Variants in ZBTB40 observed in about 807,000 individuals in gnomAD.
ZBTB40 encodes zinc finger and BTB domain containing 40.
In ZBTB40, 60 loss-of-function variants were observed where a neutral mutation model predicts 117.5. The ratio of observed to expected loss-of-function variants is 0.51; its 90% CI spans 0.41 to 0.63. The LOEUF (loss-of-function observed/expected upper bound fraction) is 0.63, where lower values mean the gene tolerates loss of function less well. Ranked by LOEUF, ZBTB40 falls within the 30% of genes least tolerant of loss-of-function variation. The probability of loss-of-function intolerance (pLI) is 0.00; values close to 1 mark genes in which losing one functional copy is unlikely to be tolerated. For missense variants in ZBTB40, 1,287 were observed against 1,498.5 expected (o/e 0.86, Z 2.33); for synonymous variants, 525 against 577.1 (o/e 0.91, Z 1.29).
intron 3 of ZBTB40, among the ~76,000 whole-genome samples, chr1:22,493,062 T>G (rs916658048): frequency 1.2e-4 from 19 of 152,146 alleles, no homozygotes; most frequent in Admixed American, 1.0e-3. Context: ...TCTTATGCAT[T>G]TTTTTTAACA....
chr1:22,492,439 A>G (rs1283226052), intron 3 of ZBTB40, among the ~76,000 whole-genome samples: 2 of 152,064 alleles, frequency 1.3e-5, no homozygotes, highest in Non-Finnish European at 2.9e-5. Flanking sequence ...TCCACAACCA[A>G]TTTAGAATTC....
At chr1:22,501,450 G>T (rs764196677) in intron 3 of ZBTB40, 42 bp from the exon 4 acceptor site, 13 of 1,610,182 alleles carry the variant, frequency 8.1e-6, no homozygotes, top group South Asian at 5.5e-5. Flanking sequence ...GATGGTTCTT[G>T]TGGTTCGCTA....
In ZBTB40 at chr1:22,517,423, G is replaced by T; in HGVS notation, c.2792G>T (p.Arg931Leu). Residue 931 changes from arginine (R) to leucine (L), a missense_variant, in exon 13 of 18, where the codon CGG becomes CTG. Arg to Leu is a moderately radical substitution (Grantham distance 102, BLOSUM62 -2). Transcript: ENST00000375647. ...YVCRDCGKGFRQANGLSIHLH... is the reference protein window; with the variant it reads ...YVCRDCGKGFLQANGLSIHLH... ...TGCAGAGACTGTGGCAAGGGCTTCC[G>T]GCAAGCCAATGGCCTCTCCATCCAT... The T allele has an allele frequency of 1.9e-6, 3 of 1,614,098 alleles. No individual in the cohort carries two copies. Among genetic ancestry groups the T allele is most frequent in the Non-Finnish European group, 2.5e-6 (3 of 1,180,024 alleles).
intron 1 of ZBTB40, among the ~76,000 whole-genome samples, chr1:22,489,069 G>T (rs1485006312): frequency 6.6e-6 from 1 of 152,238 alleles, no homozygotes; most frequent in East Asian, 1.9e-4. Flanking sequence ...AGGTGGGAAA[G>T]TGGCAGGAGA....
At chr1:22,488,239 G>T (rs565113524) in intron 1 of ZBTB40, among the ~76,000 whole-genome samples, 3 of 152,270 alleles carry the variant, frequency 2.0e-5, no homozygotes, top group African/African-American at 7.2e-5. Flanking sequence ...TTTAAGCACT[G>T]GGATACAGCA....
chr1:22,519,767 G>C, intron 13 of ZBTB40: 1 of 438,102 alleles, frequency 2.3e-6, no homozygotes, highest in Non-Finnish European at 4.3e-6. Context: ...AAGTGATAAA[G>C]TGTAATTTAA....
At position 22,489,956 on chromosome 1, in the gene ZBTB40, TC is replaced by T; in HGVS notation, c.12del (p.Asn5ThrfsTer62). 1 of 1,611,256 alleles carries T rather than the reference TC, an allele frequency of 6.2e-7. No individual in the cohort carries two copies. Among genetic ancestry groups the T allele is most frequent in the Non-Finnish European group, 8.5e-7 (1 of 1,179,984 alleles). On this transcript the variant is annotated frameshift_variant, in exon 2 of 18. Coordinates refer to ENST00000375647, the MANE Select transcript of ZBTB40 (RefSeq NM_014870.4). LOFTEE classifies it high-confidence loss of function. ME[L>X]PNYSRQLLQQ... Reference sequence around the variant, plus strand: ...TGGGGCAGAGTTGACGCAATGGAGCTCCCCAACTACAGCCGGCAGCTGCTGC... The same window carrying T: ...TGGGGCAGAGTTGACGCAATGGAGCTCCCAACTACAGCCGGCAGCTGCTGC...
intron 6 of ZBTB40, among the ~76,000 whole-genome samples, chr1:22,507,157 C>T (rs1012209179): frequency 3.9e-5 from 6 of 152,232 alleles, no homozygotes. Context: ...GCCGCACCCT[C>T]ACTGCACCAT....
At chr1:22,454,469 A>G (rs749653858) in intron 1 of ZBTB40, among the ~76,000 whole-genome samples, 17 of 152,210 alleles carry the variant, frequency 1.1e-4, no homozygotes, top group Non-Finnish European at 2.4e-4. Flanking sequence ...CTCACTTTTT[A>G]TCTGGGTGGT....
chr1:22,513,264 TA>T lies in ZBTB40; in HGVS notation c.2668+136del. The T allele has an allele frequency of 1.1e-6, 1 of 949,218 alleles. No individual in the cohort carries two copies. The highest frequency in any genetic ancestry group is 1.6e-6 in the Non-Finnish European group (1 of 615,160). 58.8% of individuals were successfully genotyped at this position (949,218 alleles called of 1,614,324 possible). ...ACAACAGGGTGACTAAAGTCAATAA[TA>T]ACTTAATTGTACATTTTAAATACAG... is the stretch of plus-strand genomic sequence containing the variant. On this transcript the variant is annotated intron_variant, in intron 12 of 17. Coordinates refer to ENST00000375647, the MANE Select transcript of ZBTB40 (RefSeq NM_014870.4). This position sits in a 1 kb window ranked among gnomAD's most constrained non-coding sequence, Gnocchi z 4.9.
chr1:22,526,082 A>G, intron 17 of ZBTB40, 120 bp from the exon 18 acceptor site: 1 of 1,189,446 alleles, frequency 8.4e-7, no homozygotes, highest in Non-Finnish European at 1.2e-6. Flanking sequence ...AGGCACATGT[A>G]AGTGCTCTCC....
intron 1 of ZBTB40, among the ~76,000 whole-genome samples, chr1:22,477,890 C>T (rs1026511073): frequency 3.3e-5 from 5 of 152,122 alleles, no homozygotes; most frequent in African/African-American, 1.2e-4. Context: ...TCTTGCCTTC[C>T]TTCTTCCCCT....
rs1639550480 is a variant in ZBTB40 at position 22,522,383 on chromosome 1, A to G, written c.3218A>G (p.Lys1073Arg). The G allele has an allele frequency of 3.1e-6, 5 of 1,614,062 alleles. No homozygotes were observed. In the African/African-American group the frequency reaches 5.3e-5, roughly 17 times the overall value. ...KHIKAEHADM[K>R]FHECDQCKEL... ...TTCTTTATGCACTTCACAGATATGA[A>G]GTTCCATGAATGTGACCAGTGTAAG... Residue 1073 changes from lysine (K) to arginine (R), a missense_variant, in exon 16 of 18, where the codon AAG becomes AGG. Lys to Arg is a conservative substitution (Grantham distance 26, BLOSUM62 2). Around this residue, in one of 2 missense-constraint regions of ZBTB40, gnomAD observed 417 missense variants for 564.1 expected, o/e 0.74. Transcript: ENST00000375647.
chr1:22,448,286 A>T (rs1033284327), upstream of ZBTB40, among the ~76,000 whole-genome samples: 1 of 152,228 alleles, frequency 6.6e-6, no homozygotes, highest in Non-Finnish European at 1.5e-5. Flanking sequence ...GAAAGTGCTT[A>T]AAACAATGTC....
At chr1:22,478,002 G>A (rs940762556) in intron 1 of ZBTB40, among the ~76,000 whole-genome samples, 11 of 151,996 alleles carry the variant, frequency 7.2e-5, no homozygotes, top group Admixed American at 3.9e-4. Flanking sequence ...GTACATAAAC[G>A]TACATAGTTT....
chr1:22,495,737 C>T (rs1472452605), intron 3 of ZBTB40, among the ~76,000 whole-genome samples: 3 of 152,178 alleles, frequency 2.0e-5, no homozygotes, highest in Admixed American at 2.0e-4. Context: ...GTCTCGAACT[C>T]CTGACCTCAG....
intron 16 of ZBTB40, 139 bp from the exon 17 acceptor site, chr1:22,524,079 G>A (rs190369663): frequency 2.2e-4 from 174 of 797,020 alleles, no homozygotes; most frequent in Non-Finnish European, 9.8e-5. Flanking sequence ...AATAACGTTC[G>A]TGTCCCACAA....
intron 1 of ZBTB40, among the ~76,000 whole-genome samples, chr1:22,429,600 A>G (rs983067118): frequency 6.6e-6 from 1 of 152,152 alleles, no homozygotes; most frequent in Non-Finnish European, 1.5e-5. Context: ...ACTATTATAT[A>G]CCGGGTTCCC....
chr1:22,473,763 C>T (rs1052738785), intron 1 of ZBTB40, among the ~76,000 whole-genome samples: 5 of 152,100 alleles, frequency 3.3e-5, no homozygotes, highest in African/African-American at 9.7e-5. Context: ...CTTGTAAGCT[C>T]TTAGAAGGGA....
Sources: gnomAD v4.1 joint callset for allele counts (sites outside exome capture counted in the v4.1 genomes callset) on GRCh38, gnomAD v4.1.1 for gene constraint, gnomAD v4.1.1 regional missense constraint, Gnocchi (gnomAD v3.1) non-coding constraint, MANE v1.5 for transcripts, NCBI Gene and HGNC (gene_info 2026-07-23, HGNC 2026-07-21) for gene names.